Variants in PTPRE observed in about 807,000 individuals in gnomAD.
The protein encoded by PTPRE is protein tyrosine phosphatase receptor type E.
PTPRE carries 51 observed loss-of-function variants against 102.0 expected under a neutral mutation model. The ratio of observed to expected loss-of-function variants is 0.50; its 90% CI spans 0.40 to 0.63. The LOEUF (loss-of-function observed/expected upper bound fraction) is 0.63. PTPRE is among the 30% of genes least tolerant of loss of function. PTPRE has a pLI of 0.00. For synonymous variants in PTPRE, 345 were observed against 348.2 expected, an observed-to-expected ratio of 0.99 and a Z score of 0.10; for missense variants, 752 against 915.1, an observed-to-expected ratio of 0.82 and a Z score of 2.30.
chr10:128,003,132 C>T (rs1158448300), intron 2 of PTPRE, among the ~76,000 whole-genome samples: 1 of 152,200 alleles, frequency 6.6e-6, no homozygotes, highest in Non-Finnish European at 1.5e-5. Context: ...TCACTTCCTT[C>T]CTGACCTCGG....
At chr10:128,011,356 G>T (rs796677919) in intron 2 of PTPRE, among the ~76,000 whole-genome samples, 58 of 152,348 alleles carry the variant, frequency 3.8e-4, no homozygotes, top group African/African-American at 1.2e-3. Context: ...TTTGGGCATT[G>T]GTGAAGTGGT....
chr10:127,986,425 C>T (rs1344536318), intron 2 of PTPRE, among the ~76,000 whole-genome samples: 1 of 152,146 alleles, frequency 6.6e-6, no homozygotes, highest in Non-Finnish European at 1.5e-5. Context: ...TATTGTTATA[C>T]CTAAGGGTAT....
intron 11 of PTPRE, 61 bp downstream of exon 11, chr10:128,066,255 A>C: frequency 6.3e-7 from 1 of 1,588,046 alleles, no homozygotes; most frequent in Non-Finnish European, 8.6e-7. Flanking sequence ...TCATGCCCAG[A>C]GTTAACATCC....
At position 127,985,384 on chromosome 10, in the gene PTPRE, A is replaced by G. The variant is rs569877441; in HGVS notation, c.-8+3088A>G. 9.5e-4 allele frequency among the ~76,000 whole-genome samples: 144 copies of G among 152,326 alleles called. 1 individual carries two copies. The highest frequency in any genetic ancestry group is 3.1e-3 in the South Asian group (15 of 4,828). On this transcript the variant is annotated intron_variant, in intron 2 of 20. Coordinates refer to ENST00000254667, the MANE Select transcript of PTPRE (RefSeq NM_006504.6). Reference sequence around the variant, plus strand: ...GATCATTTGAGATCAGGAGTTCAAGACCAGCCTGGCCAACATGGTGAAACC... The same window carrying G: ...GATCATTTGAGATCAGGAGTTCAAGGCCAGCCTGGCCAACATGGTGAAACC...
At chr10:128,010,595 C>CTTTT (rs1459323086) in intron 2 of PTPRE, among the ~76,000 whole-genome samples, 7 of 29,274 alleles carry the variant, frequency 2.4e-4, no homozygotes, top group Non-Finnish European at 4.3e-4. Context: ...TCTTTTCTTT[C>CTTTT]CTTTTGAGAT....
At chr10:128,059,777 C>T (rs1300458374) in intron 7 of PTPRE, among the ~76,000 whole-genome samples, 3 of 152,166 alleles carry the variant, frequency 2.0e-5, no homozygotes, top group South Asian at 2.1e-4. Context: ...ACAAACAAAA[C>T]GTGCAAAACC....
chr10:128,029,001 C>G (rs1199963049), intron 2 of PTPRE, among the ~76,000 whole-genome samples: 1 of 152,214 alleles, frequency 6.6e-6, no homozygotes, highest in Non-Finnish European at 1.5e-5. Context: ...GCCTTTTGCC[C>G]CACATGCCCC....
At chr10:127,990,128 T>C (rs963717188) in intron 2 of PTPRE, among the ~76,000 whole-genome samples, 1 of 152,114 alleles carries the variant, frequency 6.6e-6, no homozygotes, top group Non-Finnish European at 1.5e-5. Flanking sequence ...AGAAAGATTT[T>C]AGTTCTGGAA....
intron 1 of PTPRE, among the ~76,000 whole-genome samples, chr10:127,910,113 G>A (rs1162669144): frequency 6.6e-6 from 1 of 152,224 alleles, no homozygotes; most frequent in Non-Finnish European, 1.5e-5. Flanking sequence ...AGGAATGAAT[G>A]TATCCATTAG....
chr10:127,933,250 AC>A (rs1847578979), intron 1 of PTPRE, among the ~76,000 whole-genome samples: 1 of 151,958 alleles, frequency 6.6e-6, no homozygotes, highest in Admixed American at 6.6e-5. Flanking sequence ...TCTGCCTACC[AC>A]CCCCTCCATA....
At chr10:128,007,142 A>G (rs1182786491) in intron 2 of PTPRE, among the ~76,000 whole-genome samples, 3 of 152,124 alleles carry the variant, frequency 2.0e-5, no homozygotes, top group African/African-American at 4.8e-5. Context: ...TTCTCTCTCA[A>G]AAGACATACA....
At chr10:127,928,605 G>A (rs1020015780) in intron 1 of PTPRE, among the ~76,000 whole-genome samples, 1 of 152,132 alleles carries the variant, frequency 6.6e-6, no homozygotes, top group Non-Finnish European at 1.5e-5. Context: ...TAGCTGTGCT[G>A]GGTTAGACTC....
chr10:128,071,385 T>G, intron 15 of PTPRE: 1 of 177,582 alleles, frequency 5.6e-6, no homozygotes, highest in Non-Finnish European at 1.2e-5. Flanking sequence ...GAAATGGGCC[T>G]AGGGTAGAGT....
intron 1 of PTPRE, among the ~76,000 whole-genome samples, chr10:127,974,464 C>G (rs2135436352): frequency 1.3e-5 from 2 of 152,278 alleles, no homozygotes; most frequent in South Asian, 4.1e-4. Context: ...TAACTTTAGC[C>G]AAACACAGGT....
At chr10:127,937,891 G>T (rs1589779212) in intron 1 of PTPRE, among the ~76,000 whole-genome samples, 1 of 151,834 alleles carries the variant, frequency 6.6e-6, no homozygotes, top group East Asian at 1.9e-4. Context: ...CTACTCGTAA[G>T]GGGTGTGTGT....
intron 2 of PTPRE, among the ~76,000 whole-genome samples, chr10:128,000,702 G>A (rs910889003): frequency 2.6e-5 from 4 of 152,250 alleles, no homozygotes; most frequent in Non-Finnish European, 5.9e-5. Context: ...TTCATTCTAT[G>A]TGGTACTTCG....
chr10:127,955,559 T>C (rs1849345190), intron 1 of PTPRE, among the ~76,000 whole-genome samples: 1 of 152,238 alleles, frequency 6.6e-6, no homozygotes, highest in South Asian at 2.1e-4. Context: ...TCTTTTATCA[T>C]GTAACAAGAT....
At chr10:128,080,153 C>T (rs999448541) in intron 20 of PTPRE, among the ~76,000 whole-genome samples, 1 of 152,198 alleles carries the variant, frequency 6.6e-6, no homozygotes, top group Non-Finnish European at 1.5e-5. Flanking sequence ...ATACCGTCCA[C>T]GGGCTGCAGG....
At chr10:127,975,719 C>T (rs1851107203) in intron 1 of PTPRE, among the ~76,000 whole-genome samples, 1 of 152,162 alleles carries the variant, frequency 6.6e-6, no homozygotes, top group Non-Finnish European at 1.5e-5. Context: ...ACATCTTTAG[C>T]GTGTTCAGTT....
Sources: gnomAD v4.1 joint callset for allele counts (sites outside exome capture counted in the v4.1 genomes callset) on GRCh38, gnomAD v4.1.1 for gene constraint, MANE v1.5 for transcripts, NCBI Gene and HGNC (gene_info 2026-07-23, HGNC 2026-07-21) for gene names.